MTCL2: variants seen among roughly 807,000 people sequenced by gnomAD.
MTCL2 encodes the protein microtubule cross-linking factor 2.
the MTCL2 span, chr20:36,777,922 A>T: frequency 1.7e-6 from 1 of 599,730 alleles, no homozygotes; most frequent in Non-Finnish European, 3.0e-6. Flanking sequence ...CTGGGGATTT[A>T]GGATGCTTTC....
At chr20:36,840,089 C>T in the MTCL2 span, among the ~76,000 whole-genome samples, 1 of 151,672 alleles carries the variant, frequency 6.6e-6, no homozygotes, top group African/African-American at 2.4e-5. Context: ...GTCTTGAACT[C>T]CTGACCTCAA....
At chr20:36,825,535 A>G in the MTCL2 span, among the ~76,000 whole-genome samples, 1 of 152,200 alleles carries the variant, frequency 6.6e-6, no homozygotes, top group Non-Finnish European at 1.5e-5. Context: ...TAGCTGGGCA[A>G]CAGTGCCACC....
the MTCL2 span, among the ~76,000 whole-genome samples, chr20:36,811,319 G>A: frequency 6.6e-6 from 1 of 152,102 alleles, no homozygotes; most frequent in Non-Finnish European, 1.5e-5. Flanking sequence ...TTTTCTACAG[G>A]TAAGCCTATA....
the MTCL2 span, chr20:36,803,073 C>A: frequency 6.2e-7 from 1 of 1,608,974 alleles, no homozygotes; most frequent in Non-Finnish European, 8.5e-7. Flanking sequence ...GGGCCCTGCC[C>A]GCTCCCCGGC....
chr20:36,777,695 T>C, the MTCL2 span: 2 of 509,058 alleles, frequency 3.9e-6, no homozygotes, highest in Non-Finnish European at 7.1e-6. Context: ...TTCCCTCCCA[T>C]GGGCCTTGCC....
the MTCL2 span, among the ~76,000 whole-genome samples, chr20:36,831,943 A>C: frequency 3.3e-5 from 5 of 152,152 alleles, no homozygotes; most frequent in Non-Finnish European, 7.4e-5. Flanking sequence ...CTCACTCACT[A>C]ACTCACTCAC....
the MTCL2 span, among the ~76,000 whole-genome samples, chr20:36,800,327 T>C: frequency 6.6e-6 from 1 of 152,252 alleles, no homozygotes; most frequent in Non-Finnish European, 1.5e-5. Context: ...TATTCTTTTA[T>C]AGACAGGAAT....
chr20:36,797,047 T>G, the MTCL2 span: 1 of 1,087,794 alleles, frequency 9.2e-7, no homozygotes, highest in Non-Finnish European at 1.4e-6. Flanking sequence ...TGCTTGAATC[T>G]CCTCATCCGG....
chr20:36,826,154 C>T, the MTCL2 span, among the ~76,000 whole-genome samples: 1 of 150,330 alleles, frequency 6.7e-6, no homozygotes, highest in Non-Finnish European at 1.5e-5. Flanking sequence ...CTACAGGTGC[C>T]CGCCATCACT....
At chr20:36,847,142 G>C in the MTCL2 span, among the ~76,000 whole-genome samples, 2 of 152,226 alleles carry the variant, frequency 1.3e-5, no homozygotes, top group Non-Finnish European at 2.9e-5. Context: ...AAACGTTCCT[G>C]TTTTGCAGAT....
chr20:36,791,398 T>C, the MTCL2 span, among the ~76,000 whole-genome samples: 1 of 152,198 alleles, frequency 6.6e-6, no homozygotes, highest in Non-Finnish European at 1.5e-5. Context: ...TAGTCTGAAA[T>C]GTAAAAAAAT....
the MTCL2 span, chr20:36,829,256 G>C: frequency 3.2e-6 from 5 of 1,545,274 alleles, no homozygotes; most frequent in South Asian, 4.8e-5. Context: ...AGGCTGAGGA[G>C]AGCCCCCACT....
At chr20:36,796,312 C>T in the MTCL2 span, among the ~76,000 whole-genome samples, 4 of 152,196 alleles carry the variant, frequency 2.6e-5, no homozygotes, top group Non-Finnish European at 5.9e-5. Context: ...CTAGAACTGG[C>T]AGGGCTGGCA....
chr20:36,807,317 G>A, the MTCL2 span, among the ~76,000 whole-genome samples: 20 of 152,092 alleles, frequency 1.3e-4, no homozygotes, highest in African/African-American at 4.1e-4. Context: ...GAGTACCCCT[G>A]ATGGCGTAAG....
the MTCL2 span, among the ~76,000 whole-genome samples, chr20:36,845,636 G>GC: frequency 3.3e-5 from 5 of 152,210 alleles, no homozygotes; most frequent in African/African-American, 1.2e-4. Flanking sequence ...AGGCAGGGGC[G>GC]CTGGGCTTTC....
the MTCL2 span, chr20:36,782,486 G>C: frequency 2.0e-5 from 3 of 152,236 alleles, no homozygotes; most frequent in African/African-American, 7.2e-5. Context: ...GTCCTGCCAA[G>C]GCTGCCTCCC....
At chr20:36,809,532 G>A in the MTCL2 span, among the ~76,000 whole-genome samples, 1 of 151,736 alleles carries the variant, frequency 6.6e-6, no homozygotes, top group Non-Finnish European at 1.5e-5. Context: ...CATCCCAGCA[G>A]GGCACAGGGG....
the MTCL2 span, chr20:36,794,658 C>G: frequency 6.2e-7 from 1 of 1,609,042 alleles, no homozygotes; most frequent in Non-Finnish European, 8.5e-7. The surrounding 1 kb of genome is among the most constrained non-coding windows in gnomAD (Gnocchi z 5.4). Context: ...AGGGCACACT[C>G]TGGTCTACCA....
the MTCL2 span, among the ~76,000 whole-genome samples, chr20:36,802,289 T>A: frequency 3.9e-5 from 6 of 151,978 alleles, no homozygotes; most frequent in Non-Finnish European, 7.4e-5. Context: ...AATAAATAGA[T>A]AAGTAAATAA....
Sources: gnomAD v4.1 joint callset for allele counts (sites outside exome capture counted in the v4.1 genomes callset) on GRCh38, gnomAD v4.1.1 for gene constraint, Gnocchi (gnomAD v3.1) non-coding constraint, MANE v1.5 for transcripts, NCBI Gene and HGNC (gene_info 2026-07-23, HGNC 2026-07-21) for gene names.